The following NCAM2 variants were observed in gnomAD, a reference collection of about 807,000 sequenced individuals.
The protein encoded by NCAM2 is neural cell adhesion molecule 2, also known as N-CAM-2.
A neutral mutation model predicts 98.1 loss-of-function variants in NCAM2; 30 were observed. The observed-to-expected ratio is 0.31, with a 90% confidence interval of 0.23 to 0.41. The LOEUF (loss-of-function observed/expected upper bound fraction) is 0.41, where lower values mean the gene tolerates loss of function less well. Ranked by LOEUF, NCAM2 falls within the 10% of genes least tolerant of loss-of-function variation. NCAM2 has a pLI of 1.00. For missense variants in NCAM2, 867 were observed against 1,005.8 expected (o/e 0.86, Z 1.87); for synonymous variants, 368 against 342.4 (o/e 1.07, Z -0.83).
chr21:21,535,864 T>C (rs1481542579), intron 17 of NCAM2, among the ~76,000 whole-genome samples: 1 of 152,132 alleles, frequency 6.6e-6, no homozygotes, highest in African/African-American at 2.4e-5. Context: ...ATCTTAAACA[T>C]ATTTTACCTA....
intron 8 of NCAM2, among the ~76,000 whole-genome samples, chr21:21,359,227 A>ATAAG (rs1238586018): frequency 6.6e-6 from 1 of 151,980 alleles, no homozygotes; most frequent in Non-Finnish European, 1.5e-5. Context: ...GAGCAATAAT[A>ATAAG]TAAGTCCCTG....
chr21:21,182,637 A>G (rs1311167459), intron 1 of NCAM2, among the ~76,000 whole-genome samples: 1 of 152,076 alleles, frequency 6.6e-6, no homozygotes, highest in Non-Finnish European at 1.5e-5. Context: ...ATTGGCTTTG[A>G]TAAAATTTAT....
chr21:21,346,629 A>G (rs112088744), intron 8 of NCAM2, among the ~76,000 whole-genome samples: 150 of 152,174 alleles, frequency 9.9e-4, no homozygotes, highest in African/African-American at 3.4e-3. Context: ...ATTATATACT[A>G]TGTTACAAAG....
chr21:21,475,835 C>G (rs1304710795), intron 14 of NCAM2, among the ~76,000 whole-genome samples: 1 of 152,024 alleles, frequency 6.6e-6, no homozygotes, highest in Non-Finnish European at 1.5e-5. Context: ...CTTTTCTGTT[C>G]CTTTGTAATG....
chr21:21,086,274 T>G (rs1336731050), intron 1 of NCAM2, among the ~76,000 whole-genome samples: 1 of 152,162 alleles, frequency 6.6e-6, no homozygotes, highest in Non-Finnish European at 1.5e-5. Context: ...AAGACAATCT[T>G]GAAACAGAAG....
chr21:21,031,806 T>A (rs914740005), intron 1 of NCAM2, among the ~76,000 whole-genome samples: 47 of 87,988 alleles, frequency 5.3e-4, no homozygotes, highest in African/African-American at 1.6e-3. Flanking sequence ...ACTCACACTC[T>A]TATACACACA....
At chr21:21,104,009 A>G (rs1345183832) in intron 1 of NCAM2, among the ~76,000 whole-genome samples, 1 of 152,148 alleles carries the variant, frequency 6.6e-6, no homozygotes, top group Non-Finnish European at 1.5e-5. Context: ...GTAGAAGAAC[A>G]AAGAAGGGTG....
intron 1 of NCAM2, among the ~76,000 whole-genome samples, chr21:21,076,220 A>C (rs2065679762): frequency 6.6e-6 from 1 of 152,116 alleles, no homozygotes; most frequent in African/African-American, 2.4e-5. Context: ...TTTCTTCTCT[A>C]GTACTTTTAT....
chr21:21,082,737 G>A (rs999677813), intron 1 of NCAM2, among the ~76,000 whole-genome samples: 4 of 152,156 alleles, frequency 2.6e-5, no homozygotes, highest in African/African-American at 9.7e-5. Context: ...GTGTTTTTAT[G>A]TATTAGAACT....
At chr21:21,130,844 A>T (rs1382447965) in intron 1 of NCAM2, among the ~76,000 whole-genome samples, 1 of 152,218 alleles carries the variant, frequency 6.6e-6, no homozygotes, top group African/African-American at 2.4e-5. Flanking sequence ...CAAAAATATA[A>T]GCTGGTAATT....
intron 1 of NCAM2, among the ~76,000 whole-genome samples, chr21:21,090,892 C>T (rs1179351003): frequency 9.9e-5 from 15 of 152,178 alleles, no homozygotes; most frequent in African/African-American, 3.6e-4. Flanking sequence ...CTGAGCTTCC[C>T]TGATGAAAAC....
At chr21:21,106,419 C>T (rs554274024) in intron 1 of NCAM2, among the ~76,000 whole-genome samples, 1 of 150,588 alleles carries the variant, frequency 6.6e-6, no homozygotes, top group East Asian at 2.0e-4. Flanking sequence ...ATTCTTTGTG[C>T]CAACATTATT....
chr21:21,075,781 G>A (rs1479137370), intron 1 of NCAM2, among the ~76,000 whole-genome samples: 1 of 151,930 alleles, frequency 6.6e-6, no homozygotes, highest in Non-Finnish European at 1.5e-5. Flanking sequence ...TCTCCTTTAA[G>A]AAAAATAAAT....
chr21:21,431,179 AATT>A (rs143405862), intron 11 of NCAM2, among the ~76,000 whole-genome samples: 3,522 of 150,432 alleles, frequency 0.023, 144 homozygotes, highest in African/African-American at 0.082. Flanking sequence ...TCTGAAAAAA[AATT>A]ATTTTTTTAT....
Position 21,513,849 on chromosome 21 carries a change from T to A in NCAM2, c.2282+4794T>A, listed in dbSNP as rs1417085620. 2.6e-5 allele frequency among the ~76,000 whole-genome samples: 4 copies of A among 152,154 alleles called. No individual in the cohort carries two copies. The South Asian group carries it at 8.3e-4, about 32-fold the overall frequency. On this transcript the variant is annotated intron_variant, in intron 16 of 17. Coordinates refer to ENST00000400546, the MANE Select transcript of NCAM2 (RefSeq NM_004540.5). ...TCTTTCTCTCTAGGTCAAATACTAT[T>A]TGCATTATATATCAAGGTTTTCCAA...
intron 1 of NCAM2, among the ~76,000 whole-genome samples, chr21:21,157,055 T>A (rs974995376): frequency 6.6e-6 from 1 of 151,962 alleles, no homozygotes; most frequent in South Asian, 2.1e-4. Context: ...CTACAGATTT[T>A]TTTTTCACTT....
At chr21:21,210,430 A>AAGAGCACC in intron 1 of NCAM2, 1 of 822,518 alleles carries the variant, frequency 1.2e-6, no homozygotes. Context: ...TGAGATATTT[A>AAGAGCACC]AGAGCACCAG....
At chr21:21,167,314 A>G (rs1384919958) in intron 1 of NCAM2, among the ~76,000 whole-genome samples, 1 of 152,124 alleles carries the variant, frequency 6.6e-6, no homozygotes, top group Non-Finnish European at 1.5e-5. Flanking sequence ...GAAAAAAAGG[A>G]TAATCCAATA....
At chr21:21,280,100 T>G (rs2072874359) in intron 1 of NCAM2, among the ~76,000 whole-genome samples, 1 of 152,206 alleles carries the variant, frequency 6.6e-6, no homozygotes, top group African/African-American at 2.4e-5. Context: ...CTCTGTGCAG[T>G]GCTTTCTTTC....
Sources: allele counts gnomAD v4.1 joint callset (sites outside exome capture counted in the v4.1 genomes callset), GRCh38; gene constraint gnomAD v4.1.1; transcripts MANE v1.5; gene names NCBI Gene and HGNC (gene_info 2026-07-23, HGNC 2026-07-21).